Variants in LRRC3B observed in about 807,000 individuals in gnomAD.
The protein encoded by LRRC3B is leucine-rich repeat-containing protein 3B.
Under a neutral mutation model 12.8 loss-of-function variants are expected in LRRC3B, and 2 were observed. The observed-to-expected ratio is 0.16, with a 90% CI of 0.06 to 0.49. The LOEUF is 0.49. Ranked by LOEUF, LRRC3B falls within the 20% of genes least tolerant of loss-of-function variation. LRRC3B has a pLI of 0.96. For synonymous variants in LRRC3B, 132 were observed against 122.0 expected, an observed-to-expected ratio of 1.08 and a Z score of -0.54; for missense variants, 189 against 319.4, an observed-to-expected ratio of 0.59 and a Z score of 3.11.
chr3:26,632,521 C>T (rs1211068285), intron 1 of LRRC3B, among the ~76,000 whole-genome samples: 4 of 151,930 alleles, frequency 2.6e-5, no homozygotes, highest in Admixed American at 6.6e-5. Context: ...CGGGCGATGG[C>T]GAGACAAGAT....
chr3:26,640,758 G>A (rs1301754574), intron 1 of LRRC3B, among the ~76,000 whole-genome samples: 4 of 152,070 alleles, frequency 2.6e-5, no homozygotes, highest in East Asian at 3.9e-4. Context: ...GGCATGCTGG[G>A]TGTAGGAAGG....
intron 1 of LRRC3B, among the ~76,000 whole-genome samples, chr3:26,697,456 C>T (rs895059884): frequency 6.6e-6 from 1 of 152,134 alleles, no homozygotes; most frequent in Admixed American, 6.6e-5. Flanking sequence ...ATTTAGGGCT[C>T]ATCCAGATAA....
At chr3:26,685,615 G>GTATATATATATATATA (rs768001958) in intron 1 of LRRC3B, among the ~76,000 whole-genome samples, 140 of 120,400 alleles carry the variant, frequency 1.2e-3, no homozygotes, top group East Asian at 9.6e-3. Context: ...ATGTGTGTGT[G>GTATATATATATATATA]TATATATATA....
intron 1 of LRRC3B, among the ~76,000 whole-genome samples, chr3:26,684,459 G>A (rs1437211463): frequency 6.6e-6 from 1 of 152,148 alleles, no homozygotes; most frequent in Non-Finnish European, 1.5e-5. Context: ...CTTACTGACT[G>A]CCTTAGTCCA....
At chr3:26,627,983 G>T (rs1159793795) in intron 1 of LRRC3B, among the ~76,000 whole-genome samples, 1 of 152,134 alleles carries the variant, frequency 6.6e-6, no homozygotes, top group African/African-American at 2.4e-5. Flanking sequence ...TGGAACCTGG[G>T]CAGACATTCT....
chr3:26,678,249 T>C (rs531738141), intron 1 of LRRC3B, among the ~76,000 whole-genome samples: 1 of 152,116 alleles, frequency 6.6e-6, no homozygotes, highest in Non-Finnish European at 1.5e-5. Flanking sequence ...ATCCCAGCAC[T>C]TTGGGAAGCT....
intron 1 of LRRC3B, among the ~76,000 whole-genome samples, chr3:26,683,750 T>C (rs1383434751): frequency 6.6e-6 from 1 of 152,246 alleles, no homozygotes; most frequent in Non-Finnish European, 1.5e-5. Context: ...GACAGCAGCC[T>C]TGCCAGCTTT....
chr3:26,664,067 A>G (rs1245956534), intron 1 of LRRC3B, among the ~76,000 whole-genome samples: 1 of 152,122 alleles, frequency 6.6e-6, no homozygotes, highest in African/African-American at 2.4e-5. Context: ...AAGTCTTCCT[A>G]TGCTTTGGAA....
At chr3:26,675,721 GTAGT>G (rs952286910) in intron 1 of LRRC3B, among the ~76,000 whole-genome samples, 2 of 152,066 alleles carry the variant, frequency 1.3e-5, no homozygotes, top group South Asian at 2.1e-4. Flanking sequence ...TAATTACAGC[GTAGT>G]TAAAGGAAAA....
chr3:26,681,818 T>C (rs1186162580), intron 1 of LRRC3B, among the ~76,000 whole-genome samples: 3 of 152,160 alleles, frequency 2.0e-5, no homozygotes, highest in Non-Finnish European at 2.9e-5. Context: ...TTGAATTGAA[T>C]ATAGTAGTCA....
At chr3:26,684,624 G>A (rs948331092) in intron 1 of LRRC3B, among the ~76,000 whole-genome samples, 1 of 152,190 alleles carries the variant, frequency 6.6e-6, no homozygotes, top group African/African-American at 2.4e-5. Context: ...GAAGGCAGAA[G>A]GGCAAAGAGA....
chr3:26,684,638 A>C (rs1207256189), intron 1 of LRRC3B, among the ~76,000 whole-genome samples: 1 of 152,194 alleles, frequency 6.6e-6, no homozygotes, highest in Non-Finnish European at 1.5e-5. Flanking sequence ...AAAGAGACTA[A>C]AAGGGGGCCA....
chr3:26,649,345 G>T (rs763159260), intron 1 of LRRC3B, among the ~76,000 whole-genome samples: 1 of 151,850 alleles, frequency 6.6e-6, no homozygotes, highest in East Asian at 1.9e-4. Context: ...GATTCATAAA[G>T]AATTATTTGC....
At chr3:26,645,857 T>C (rs891762585) in intron 1 of LRRC3B, among the ~76,000 whole-genome samples, 1 of 151,626 alleles carries the variant, frequency 6.6e-6, no homozygotes, top group Non-Finnish European at 1.5e-5. Context: ...GAAGGAAGAG[T>C]ATTTTATTTT....
At chr3:26,646,117 T>C (rs769479012) in intron 1 of LRRC3B, among the ~76,000 whole-genome samples, 4 of 152,218 alleles carry the variant, frequency 2.6e-5, no homozygotes, top group Non-Finnish European at 5.9e-5. Context: ...CTCATCTTTA[T>C]GATAAACTTT....
intron 1 of LRRC3B, among the ~76,000 whole-genome samples, chr3:26,645,871 T>C (rs1476319238): frequency 6.6e-6 from 1 of 152,172 alleles, no homozygotes; most frequent in Non-Finnish European, 1.5e-5. Context: ...TTATTTTTCA[T>C]GTCTCTGCTA....
intron 1 of LRRC3B, among the ~76,000 whole-genome samples, chr3:26,678,148 A>G (rs942600756): frequency 6.6e-6 from 1 of 152,014 alleles, no homozygotes; most frequent in African/African-American, 2.4e-5. Context: ...AGTTTTAGGT[A>G]CATATGAAAG....
rs539201370 is a variant in LRRC3B, at chr3:26,691,183, C to T, written c.-160-18330C>T. Among the ~76,000 whole-genome samples, 6 of 142,942 alleles carry T rather than the reference C, an allele frequency of 4.2e-5. No homozygotes were observed. The East Asian group carries it at 1.1e-3, about 26-fold the overall frequency. The allele number at this position is 142,942 out of a possible 152,430, so 93.8% of individuals were successfully genotyped here. ...AAAACTTTGACCTTACATGATCTCC[C>T]GTGTGATCATTCAGAAGATGAAATT... On this transcript the variant is annotated intron_variant, in intron 1 of 1. Transcript: ENST00000396641.
At chr3:26,675,729 A>T (rs760574049) in intron 1 of LRRC3B, among the ~76,000 whole-genome samples, 5 of 152,228 alleles carry the variant, frequency 3.3e-5, no homozygotes, top group Admixed American at 6.5e-5. Flanking sequence ...GCGTAGTTAA[A>T]GGAAAATTGT....
Sources: gnomAD v4.1 joint callset for allele counts (sites outside exome capture counted in the v4.1 genomes callset) on GRCh38, gnomAD v4.1.1 for gene constraint, MANE v1.5 for transcripts, NCBI Gene and HGNC (gene_info 2026-07-23, HGNC 2026-07-21) for gene names.